FBLN7: variants seen among roughly 807,000 people sequenced by gnomAD.
FBLN7 encodes fibulin 7.
A neutral mutation model predicts 44.0 loss-of-function variants in FBLN7; 31 were observed. That is an observed-to-expected ratio of 0.70 (90% CI 0.53 to 0.95). The LOEUF is 0.95. Among genes scored for constraint, FBLN7 ranks in the 40% least tolerant of loss-of-function variants. The pLI is 0.00. For synonymous variants in FBLN7, 262 were observed against 253.4 expected (o/e 1.03, Z -0.32); for missense variants, 573 against 618.5 (o/e 0.93, Z 0.78).
the FBLN7 span, among the ~76,000 whole-genome samples, chr2:112,194,887 C>T: frequency 1.3e-5 from 2 of 152,180 alleles, no homozygotes; most frequent in African/African-American, 4.8e-5. Flanking sequence ...AAGATCTCCA[C>T]ATCTGTCACA....
chr2:112,147,734 T>C (rs1017255495), intron 1 of FBLN7, among the ~76,000 whole-genome samples: 2 of 152,258 alleles, frequency 1.3e-5, no homozygotes, highest in Non-Finnish European at 2.9e-5. Context: ...TTCTTTGGCT[T>C]ACTCCCTTAT....
the FBLN7 span, among the ~76,000 whole-genome samples, chr2:112,226,605 A>AAAAAAAAAAAG: frequency 6.0e-5 from 9 of 150,020 alleles, no homozygotes; most frequent in African/African-American, 2.0e-4. Flanking sequence ...AAAAAAAAAA[A>AAAAAAAAAAAG]GCTCAGGCCC....
intron 1 of FBLN7, among the ~76,000 whole-genome samples, chr2:112,140,145 CGCCAGTGTCCCTCCCGCCTCTCTCCAG>C (rs1558865282): frequency 9.6e-5 from 10 of 103,640 alleles, no homozygotes; most frequent in African/African-American, 2.8e-4. Context: ...CCTCTCTCCA[CGCCAGTGTCCCTCCCGCCTCTCTCCAG>C]GCCAGCGTCC....
chr2:112,184,272 C>T (rs74991073), intron 6 of FBLN7, among the ~76,000 whole-genome samples: 3,598 of 152,274 alleles, frequency 0.024, 135 homozygotes, highest in African/African-American at 0.081. Flanking sequence ...CAAGGGAGAA[C>T]GGGAGAAGAG....
chr2:112,140,405 G>C (rs190923288), intron 1 of FBLN7, among the ~76,000 whole-genome samples: 1 of 152,354 alleles, frequency 6.6e-6, no homozygotes, highest in East Asian at 1.9e-4. Flanking sequence ...ACCCGGGCTT[G>C]CCACTTTCCA....
chr2:112,160,337 G>T (rs1347092504), intron 2 of FBLN7, among the ~76,000 whole-genome samples: 1 of 152,176 alleles, frequency 6.6e-6, no homozygotes, highest in African/African-American at 2.4e-5. Context: ...GGGGGTGGGG[G>T]GAGCACATTA....
At position 112,187,014 on chromosome 2, in the gene FBLN7, C is replaced by T. The variant is rs748860568; in HGVS notation, c.948-120C>T. The stretch of plus-strand genomic sequence containing the variant: ...CTCCATAGCTCCTGGGTGAAGGACC[C>T]GTGGCTGGGAAAGGTCATCTAGGTG... On this transcript the variant is annotated intron_variant, in intron 7 of 7. Coordinates refer to ENST00000331203, the MANE Select transcript of FBLN7 (RefSeq NM_153214.3). The surrounding 1 kb of genome is among the most constrained non-coding windows in gnomAD (Gnocchi z 5.1). 1.2e-4 allele frequency: 151 copies of T among 1,234,802 alleles called. 1 individual carries two copies. The highest frequency in any genetic ancestry group is 4.2e-4 in the South Asian group (28 of 67,314). The allele number at this position is 1,234,802 out of a possible 1,614,324, so 76.5% of individuals were successfully genotyped here. A position where few individuals can be genotyped will look rare whatever the true frequency, so the allele number is the denominator to read the frequency against.
chr2:112,213,775 C>CAAAAAAAAA, the FBLN7 span: 2 of 24,076 alleles, frequency 8.3e-5, no homozygotes, highest in African/African-American at 2.0e-4. Context: ...GACTCCGTCT[C>CAAAAAAAAA]AAAAAAAAAA....
the FBLN7 span, chr2:112,233,397 A>G: frequency 7.0e-7 from 1 of 1,425,080 alleles, no homozygotes; most frequent in Admixed American, 2.2e-5. Flanking sequence ...GAGCAAGGAA[A>G]AGCCATTATT....
At chr2:112,185,687 C>T (rs1683235269) in intron 7 of FBLN7, among the ~76,000 whole-genome samples, 1 of 152,034 alleles carries the variant, frequency 6.6e-6, no homozygotes, top group Non-Finnish European at 1.5e-5. Context: ...CCATAGCAGC[C>T]CAGGAGACAG....
chr2:112,181,993 G>C, intron 5 of FBLN7, 117 bp downstream of exon 5: 2 of 1,309,186 alleles, frequency 1.5e-6, no homozygotes, highest in Middle Eastern at 1.9e-4. Flanking sequence ...CGCGGTCTCA[G>C]AAGGCCTGGC....
chr2:112,204,783 C>CA, the FBLN7 span, among the ~76,000 whole-genome samples: 1 of 152,046 alleles, frequency 6.6e-6, no homozygotes, highest in Non-Finnish European at 1.5e-5. Context: ...AGCACACATA[C>CA]CACATAAGAA....
At chr2:112,221,170 T>C in the FBLN7 span, among the ~76,000 whole-genome samples, 1 of 152,226 alleles carries the variant, frequency 6.6e-6, no homozygotes, top group African/African-American at 2.4e-5. Context: ...GGTTTGAATC[T>C]GTGTCCCTGC....
At position 112,162,898 on chromosome 2, in the gene FBLN7, C is replaced by T. The variant is rs549813692; in HGVS notation, c.236-2103C>T. On this transcript the variant is annotated intron_variant, in intron 2 of 7. Coordinates refer to ENST00000331203, the MANE Select transcript of FBLN7 (RefSeq NM_153214.3). The stretch of plus-strand genomic sequence containing the variant: ...CCCAATGCATTTTAAAACTCTTTAA[C>T]GCAATAAAGTACTAGATGTAAAAAA... Among the ~76,000 whole-genome samples, 8 of 152,016 alleles carry T rather than the reference C, an allele frequency of 5.3e-5. No homozygotes were observed. The East Asian group carries it at 7.7e-4, about 15-fold the overall frequency.
intron 3 of FBLN7, among the ~76,000 whole-genome samples, chr2:112,174,649 G>A (rs1467651879): frequency 6.6e-6 from 1 of 152,188 alleles, no homozygotes; most frequent in Admixed American, 6.5e-5. Context: ...CACTAAAACT[G>A]GGCTTAGGGA....
chr2:112,158,412 T>C (rs565992615), intron 1 of FBLN7, among the ~76,000 whole-genome samples: 1 of 151,952 alleles, frequency 6.6e-6, no homozygotes, highest in Non-Finnish European at 1.5e-5. Context: ...TCGGCTAATT[T>C]TTTTGTTTTT....
At chr2:112,157,312 G>A (rs1227847898) in intron 1 of FBLN7, among the ~76,000 whole-genome samples, 1 of 152,188 alleles carries the variant, frequency 6.6e-6, no homozygotes, top group Non-Finnish European at 1.5e-5. Context: ...GGAGGTTGCA[G>A]CGAGTTGAGA....
At position 112,159,787 on chromosome 2, in the gene FBLN7, G is replaced by A. The variant is rs147562751; in HGVS notation, c.187G>A (p.Ala63Thr). The A allele has an allele frequency of 1.8e-4, 291 of 1,596,994 alleles. No individual in the cohort carries two copies. The highest frequency in any genetic ancestry group is 3.4e-4 in the South Asian group (30 of 88,722). Residue 63 changes from alanine (A) to threonine (T), a missense_variant, in exon 2 of 8, where the codon GCC becomes ACC. Transcript: ENST00000331203. ...EGIRHMKSRL[A>T]ALQNSVGRVG... is the part of the protein sequence containing the mutation. ...CATCCGCCACATGAAGAGCCGGCTG[G>A]CCGCGCTGCAGAACTCTGTGGGCAG...
At chr2:112,228,713 G>T in the FBLN7 span, among the ~76,000 whole-genome samples, 2 of 152,064 alleles carry the variant, frequency 1.3e-5, no homozygotes, top group African/African-American at 4.8e-5. Context: ...CGGAAAGCAT[G>T]ATCCATAGAA....
Sources: allele counts gnomAD v4.1 joint callset (sites outside exome capture counted in the v4.1 genomes callset), GRCh38; gene constraint gnomAD v4.1.1; non-coding constraint Gnocchi (gnomAD v3.1); transcripts MANE v1.5; gene names NCBI Gene and HGNC (gene_info 2026-07-23, HGNC 2026-07-21).